The following EFCAB9 variants were observed in gnomAD, a reference collection of about 807,000 sequenced individuals.
EFCAB9 encodes EF-hand calcium binding domain 9, also known as EF-hand calcium-binding domain-containing protein 9.
In EFCAB9, 16 loss-of-function variants were observed where a neutral mutation model predicts 15.6. The observed-to-expected ratio is 1.03, with a 90% confidence interval of 0.69 to 1.56. The LOEUF is 1.56. Ranked by LOEUF, EFCAB9 falls within the 40% of genes most tolerant of loss-of-function variation. The pLI is 0.00. For synonymous variants in EFCAB9, 76 were observed against 85.4 expected (o/e 0.89, Z 0.61); for missense variants, 208 against 235.4 (o/e 0.88, Z 0.76).
intron 2 of EFCAB9, among the ~76,000 whole-genome samples, chr5:172,199,886 C>T (rs7731151): frequency 2.7e-5 from 4 of 147,304 alleles, no homozygotes; most frequent in African/African-American, 7.5e-5. Context: ...CTTCTGAGGT[C>T]TTTTCTTACC....
At chr5:172,198,892 G>A (rs927158346) in intron 1 of EFCAB9, among the ~76,000 whole-genome samples, 8 of 152,184 alleles carry the variant, frequency 5.3e-5, no homozygotes, top group Non-Finnish European at 1.2e-4. Flanking sequence ...GGGATTACAG[G>A]CATGAGCTAC....
chr5:172,203,422 T>G lies in EFCAB9; in HGVS notation c.*77T>G. 2.1e-6 allele frequency: 3 copies of G among 1,427,584 alleles called. No homozygotes were observed. Among genetic ancestry groups the G allele is most frequent in the Non-Finnish European group, 2.8e-6 (3 of 1,088,516 alleles). The allele number at this position is 1,427,584 out of a possible 1,614,324, so 88.4% of individuals were successfully genotyped here. On this transcript the variant is annotated 3_prime_UTR_variant, in exon 4 of 4. Transcript: ENST00000398186. ...TGAACATTGATGAAGACTGTTAACATGTCTAAAAATAAATTCAGAGCATCA... is the reference window on the plus strand; with the variant it reads ...TGAACATTGATGAAGACTGTTAACAGGTCTAAAAATAAATTCAGAGCATCA...
intron 1 of EFCAB9, among the ~76,000 whole-genome samples, chr5:172,196,287 C>T (rs1771160704): frequency 6.6e-6 from 1 of 152,274 alleles, no homozygotes; most frequent in East Asian, 1.9e-4. Flanking sequence ...CAGAAGCCCC[C>T]AAATCATGAC....
At chr5:172,203,193 T>TATTC (rs201583078) in intron 3 of EFCAB9, 21 bp from the exon 4 acceptor site, 5 of 1,459,962 alleles carry the variant, frequency 3.4e-6, no homozygotes, top group Non-Finnish European at 4.5e-6. Flanking sequence ...AATTTTTCTT[T>TATTC]CCCCCCCACC....
intron 3 of EFCAB9, among the ~76,000 whole-genome samples, chr5:172,202,342 A>AAAAG (rs1771269186): frequency 6.8e-6 from 1 of 147,388 alleles, no homozygotes; most frequent in Non-Finnish European, 1.5e-5. Context: ...CAAAAAAAAA[A>AAAAG]AAAAAAAAAA....
At chr5:172,195,985 T>G (rs2113857660) in intron 1 of EFCAB9, among the ~76,000 whole-genome samples, 1 of 152,122 alleles carries the variant, frequency 6.6e-6, no homozygotes, top group South Asian at 2.1e-4. Flanking sequence ...GTATTCTTAG[T>G]AAAGACGGGC....
rs118091454 is a variant in EFCAB9, at chr5:172,200,254, G to A, written c.286-312G>A. Among the ~76,000 whole-genome samples, 476 of 152,120 alleles carry A rather than the reference G, an allele frequency of 3.1e-3. 15 individuals are homozygous for A. The East Asian group carries it at 0.063, about 20-fold the overall frequency. On this transcript the variant is annotated intron_variant, in intron 2 of 3. Transcript: ENST00000398186. ...ATTTTTTTGAGGGAAGGAGGTCATC[G>A]TTTTATCACCCACGCCATGATGTTT...
rs891172675 is a variant in EFCAB9, at chr5:172,200,716, C to T, written c.436C>T (p.Arg146Cys). The change falls in exon 3 of 4, where the codon CGT (arginine) becomes TGT (cysteine). Residue 146 changes from arginine to cysteine, a missense_variant. Transcript: ENST00000398186. ...IQKQELKDLF[R>C]DFDITGDNRL... The stretch of plus-strand genomic sequence containing the variant: ...AAAACAGGAACTCAAAGATCTCTTC[C>T]GTGACTTTGACATTACAGGTGACAA... The T allele has an allele frequency of 7.2e-6, 11 of 1,537,392 alleles. No individual in the cohort carries two copies. In the East Asian group the frequency reaches 7.3e-5, roughly 10 times the overall value.
chr5:172,202,302 C>T (rs1771266852), intron 3 of EFCAB9, among the ~76,000 whole-genome samples: 1 of 130,214 alleles, frequency 7.7e-6, no homozygotes, highest in Non-Finnish European at 1.5e-5. Flanking sequence ...GATCATGCCA[C>T]TGCCTGGGCG....
At chr5:172,198,890 A>C (rs1453991292) in intron 1 of EFCAB9, among the ~76,000 whole-genome samples, 2 of 152,200 alleles carry the variant, frequency 1.3e-5, no homozygotes, top group Non-Finnish European at 2.9e-5. Flanking sequence ...CTGGGATTAC[A>C]GGCATGAGCT....
rs535451131 is a variant in EFCAB9, at chr5:172,202,105, C to G, written c.463-1109C>G. On this transcript the variant is annotated intron_variant, in intron 3 of 3. Transcript: ENST00000398186. ...CCTGTAATCCCAGGACTTTGGGAGG[C>G]CGAGGTGGGCAGATCACGAGGACAG... 2.6e-5 allele frequency among the ~76,000 whole-genome samples: 4 copies of G among 151,988 alleles called. No individual in the cohort carries two copies. The East Asian group carries it at 7.7e-4, about 29-fold the overall frequency.
chr5:172,201,828 G>A (rs982142171), intron 3 of EFCAB9, among the ~76,000 whole-genome samples: 3 of 152,130 alleles, frequency 2.0e-5, no homozygotes, highest in African/African-American at 7.2e-5. Context: ...GGGCAACATA[G>A]TGAGATCCTG....
rs1426089551 is a variant in EFCAB9, at chr5:172,200,742, T to C, written c.462T>C (p.Asn154=). 3 of 1,535,048 alleles carry C rather than the reference T, an allele frequency of 2.0e-6. No individual in the cohort carries two copies. Among genetic ancestry groups the C allele is most frequent in the African/African-American group, 2.7e-5 (2 of 72,924 alleles). Residue 154 remains asparagine, a splice_region_variant and synonymous_variant, in exon 3 of 4, where the codon AAT becomes AAC. Transcript: ENST00000398186. ...LFRDFDITGD[N]RLNYQEFKLY... ...GTGACTTTGACATTACAGGTGACAA[T>C]GTAAGTACAGATCCAAAATGTGGCA...
At position 172,200,580 on chromosome 5, in the gene EFCAB9, A is replaced by G. The variant is rs1364668655; in HGVS notation, c.300A>G (p.Gly100=). The change falls in exon 3 of 4, where the codon GGA becomes GGG. Residue 100 remains glycine (G), a synonymous_variant. Coordinates refer to ENST00000398186, the MANE Select transcript of EFCAB9 (RefSeq NM_001171183.2). ...TCTCGCAATAGAACCATTTGGAAGG[A>G]CAGTTTATGTATCGTCATTCCCGGC... ...MLLAHQNHLE[G]QFMYRHSRPV... is the part of the protein sequence containing the mutation. The G allele has an allele frequency of 1.3e-6, 2 of 1,536,072 alleles. No homozygotes were observed. Among genetic ancestry groups the G allele is most frequent in the Non-Finnish European group, 8.7e-7 (1 of 1,146,598 alleles).
At chr5:172,202,157 G>A (rs752446293) in intron 3 of EFCAB9, among the ~76,000 whole-genome samples, 5 of 151,714 alleles carry the variant, frequency 3.3e-5, no homozygotes, top group Admixed American at 6.6e-5. Context: ...TGGCTAACAC[G>A]GTGAAACCCC....
chr5:172,202,213 T>A (rs6885000), intron 3 of EFCAB9, among the ~76,000 whole-genome samples: 4 of 151,078 alleles, frequency 2.6e-5, no homozygotes, highest in Non-Finnish European at 4.4e-5. Flanking sequence ...TGGTGGCAGG[T>A]GCCTGTGGTC....
intron 1 of EFCAB9, among the ~76,000 whole-genome samples, chr5:172,197,443 G>T (rs1248965556): frequency 6.6e-6 from 1 of 152,176 alleles, no homozygotes; most frequent in Non-Finnish European, 1.5e-5. Context: ...GTGGTCCTCA[G>T]ATTAGCCACA....
intron 3 of EFCAB9, among the ~76,000 whole-genome samples, chr5:172,201,689 T>C (rs1319844471): frequency 6.6e-6 from 1 of 151,938 alleles, no homozygotes; most frequent in Non-Finnish European, 1.5e-5. Context: ...CAGGAAGAGA[T>C]TATATGATGA....
At chr5:172,194,695 G>A (rs1771128697) in intron 1 of EFCAB9, among the ~76,000 whole-genome samples, 2 of 152,040 alleles carry the variant, frequency 1.3e-5, no homozygotes, top group African/African-American at 2.4e-5. Context: ...TACCACACCC[G>A]GCCTGTTAGT....
Sources: allele counts gnomAD v4.1 joint callset (sites outside exome capture counted in the v4.1 genomes callset), GRCh38; gene constraint gnomAD v4.1.1; transcripts MANE v1.5; gene names NCBI Gene and HGNC (gene_info 2026-07-23, HGNC 2026-07-21).